SEMA3A: variants seen among roughly 807,000 people sequenced by gnomAD.
SEMA3A encodes semaphorin 3A, also known as semaphorin-3A.
In SEMA3A, 29 loss-of-function variants were observed where a neutral mutation model predicts 97.9. The observed-to-expected ratio is 0.30, with a 90% CI of 0.22 to 0.40. The LOEUF is 0.40. Ranked by LOEUF, SEMA3A falls within the 10% of genes least tolerant of loss-of-function variation. The probability of loss-of-function intolerance (pLI) is 1.00; values close to 1 mark genes in which losing one functional copy is unlikely to be tolerated. For synonymous variants in SEMA3A, 321 were observed against 323.7 expected, an observed-to-expected ratio of 0.99 and a Z score of 0.09; for missense variants, 763 against 951.3, an observed-to-expected ratio of 0.80 and a Z score of 2.60.
intron 3 of SEMA3A, among the ~76,000 whole-genome samples, chr7:84,263,265 A>G (rs2115669580): frequency 6.6e-6 from 1 of 152,292 alleles, no homozygotes; most frequent in African/African-American, 2.4e-5. Context: ...AAGAGCCGGC[A>G]TGTGTAGGTG....
At chr7:84,069,556 T>C (rs1212101768) in intron 4 of SEMA3A, among the ~76,000 whole-genome samples, 2 of 152,102 alleles carry the variant, frequency 1.3e-5, no homozygotes, top group African/African-American at 4.8e-5. Context: ...CCTTTCACAA[T>C]GCATTGAAAA....
At chr7:84,067,083 A>G (rs1793536552) in intron 4 of SEMA3A, among the ~76,000 whole-genome samples, 2 of 152,216 alleles carry the variant, frequency 1.3e-5, no homozygotes, top group Non-Finnish European at 2.9e-5. Flanking sequence ...GATATAGATC[A>G]ACGGAAGAGA....
intron 6 of SEMA3A, among the ~76,000 whole-genome samples, chr7:84,029,179 G>A (rs1450913727): frequency 6.6e-6 from 1 of 152,048 alleles, no homozygotes; most frequent in African/African-American, 2.4e-5. Context: ...ATCATGATTT[G>A]ATAATTATTA....
chr7:84,065,405 G>C, intron 4 of SEMA3A, among the ~76,000 whole-genome samples: 2 of 149,244 alleles, frequency 1.3e-5, no homozygotes, highest in South Asian at 4.3e-4. Context: ...CAGAAGGCAA[G>C]AAATAACTAA....
chr7:84,106,048 G>A (rs1795099817), intron 4 of SEMA3A, among the ~76,000 whole-genome samples: 1 of 152,280 alleles, frequency 6.6e-6, no homozygotes, highest in South Asian at 2.1e-4. Context: ...CCACAGGAAA[G>A]AGAAAATCTG....
At chr7:84,243,431 C>T (rs1331330644) in intron 3 of SEMA3A, among the ~76,000 whole-genome samples, 6 of 152,112 alleles carry the variant, frequency 3.9e-5, no homozygotes, top group South Asian at 2.1e-4. Flanking sequence ...AGTTTATTTG[C>T]GTAGAGGTGT....
intron 1 of SEMA3A, among the ~76,000 whole-genome samples, chr7:84,401,906 A>C (rs2116212241): frequency 6.6e-6 from 1 of 152,314 alleles, no homozygotes; most frequent in African/African-American, 2.4e-5. Flanking sequence ...AACTATTAGA[A>C]GAAAACAGAG....
chr7:84,260,173 T>A (rs73183193), intron 3 of SEMA3A, among the ~76,000 whole-genome samples: 8 of 152,284 alleles, frequency 5.3e-5, no homozygotes, highest in Middle Eastern at 3.4e-3. Context: ...GCGTGGTATA[T>A]CTTTAAGAGC....
chr7:83,985,131 T>A (rs1262204391), intron 13 of SEMA3A, among the ~76,000 whole-genome samples: 2 of 152,078 alleles, frequency 1.3e-5, no homozygotes, highest in African/African-American at 4.8e-5. Flanking sequence ...ATGAAAATTA[T>A]TATTGAGTAT....
rs1052370333 is a variant in SEMA3A, at chr7:84,230,330, T to C, written c.-82-35662A>G. Among the ~76,000 whole-genome samples, 9 of 152,154 alleles carry C rather than the reference T, an allele frequency of 5.9e-5. 1 individual carries two copies. Among genetic ancestry groups the C allele is most frequent in the Admixed American group, 1.3e-4 (2 of 15,238 alleles). On this transcript the variant is annotated intron_variant, in intron 3 of 3. Transcript: ENST00000424555. Reference sequence around the variant, plus strand: ...TTATCATGACTTCAACTATGGCGTATATTCTGATATTTTTTAAATCAATGT... The same window carrying C: ...TTATCATGACTTCAACTATGGCGTACATTCTGATATTTTTTAAATCAATGT...
At chr7:84,448,631 A>G (rs1805485428) in intron 1 of SEMA3A, among the ~76,000 whole-genome samples, 1 of 152,124 alleles carries the variant, frequency 6.6e-6, no homozygotes, top group African/African-American at 2.4e-5. Context: ...TTATACAAGA[A>G]AAACTACAAA....
chr7:84,110,351 T>C, intron 4 of SEMA3A, 119 bp downstream of exon 4: 1 of 1,071,258 alleles, frequency 9.3e-7, no homozygotes, highest in Non-Finnish European at 1.4e-6. Context: ...CATCTGAGTT[T>C]GAAGTAGGTC....
At chr7:84,408,401 T>A (rs1462014287) in intron 1 of SEMA3A, among the ~76,000 whole-genome samples, 1 of 151,722 alleles carries the variant, frequency 6.6e-6, no homozygotes, top group Non-Finnish European at 1.5e-5. Flanking sequence ...CAACAGGTGC[T>A]GGAGAGGATG....
At chr7:84,369,388 C>T (rs565163683) in intron 2 of SEMA3A, among the ~76,000 whole-genome samples, 1 of 150,940 alleles carries the variant, frequency 6.6e-6, no homozygotes, top group East Asian at 2.0e-4. Context: ...TTTTTTCCAT[C>T]AGTTTTGTAA....
intron 3 of SEMA3A, among the ~76,000 whole-genome samples, chr7:84,207,099 A>C (rs990122308): frequency 6.6e-6 from 1 of 152,204 alleles, no homozygotes; most frequent in Admixed American, 6.5e-5. Flanking sequence ...CCTGTCAGTA[A>C]AGTGCATATT....
In SEMA3A at chr7:84,153,076, C is replaced by T. The variant is rs143633443; in HGVS notation, c.113-18125G>A. Among the ~76,000 whole-genome samples, 174 of 152,208 alleles carry T rather than the reference C, an allele frequency of 1.1e-3. 1 individual carries two copies. In the East Asian group the frequency reaches 0.013, roughly 11 times the overall value. On this transcript the variant is annotated intron_variant, in intron 1 of 16. Transcript: ENST00000265362. Reference sequence around the variant, plus strand: ...TGAGTTTGTTTGATGATCTTAATGACTTTCACCTCATTTAGTAAATCAGAA... The same window carrying T: ...TGAGTTTGTTTGATGATCTTAATGATTTTCACCTCATTTAGTAAATCAGAA...
At chr7:84,417,304 A>T (rs1350191397) in intron 1 of SEMA3A, among the ~76,000 whole-genome samples, 1 of 152,124 alleles carries the variant, frequency 6.6e-6, no homozygotes, top group African/African-American at 2.4e-5. Flanking sequence ...TGTTAACTTG[A>T]TAAAAACCTT....
chr7:84,191,709 G>A lies in SEMA3A; in HGVS notation c.112+2766C>T, dbSNP rs1584106917. Among the ~76,000 whole-genome samples, 3 of 151,792 alleles carry A rather than the reference G, an allele frequency of 2.0e-5. No homozygotes were observed. In the South Asian group the frequency reaches 6.2e-4, roughly 31 times the overall value. Reference sequence around the variant, plus strand: ...TTAAAGAAGACAAAAGTATTTCTGAGTAAATGTTTCTTAAGGATAATTTCT... The same window carrying A: ...TTAAAGAAGACAAAAGTATTTCTGAATAAATGTTTCTTAAGGATAATTTCT... On this transcript the variant is annotated intron_variant, in intron 1 of 16. Coordinates refer to ENST00000265362, the MANE Select transcript of SEMA3A (RefSeq NM_006080.3).
In SEMA3A at chr7:84,338,875, G is replaced by A. The variant is rs112182629; in HGVS notation, c.-168-31583C>T. Reference sequence around the variant, plus strand: ...ATTAAGTGAACTTGTTTTAATCACCGATGGGAACAAGAGAACTGCATGGCC... The same window carrying A: ...ATTAAGTGAACTTGTTTTAATCACCAATGGGAACAAGAGAACTGCATGGCC... On this transcript the variant is annotated intron_variant, in intron 2 of 3. Coordinates refer to the SEMA3A transcript ENST00000424555. Among the ~76,000 whole-genome samples the A allele has an allele frequency of 5.2e-4, 79 of 152,254 alleles. No individual in the cohort carries two copies. In the East Asian group the frequency reaches 0.014, roughly 28 times the overall value.
Sources: allele counts gnomAD v4.1 joint callset (sites outside exome capture counted in the v4.1 genomes callset), GRCh38; gene constraint gnomAD v4.1.1; transcripts MANE v1.5; gene names NCBI Gene and HGNC (gene_info 2026-07-23, HGNC 2026-07-21).